IL15RA: variants seen among roughly 807,000 people sequenced by gnomAD.
IL15RA encodes the protein interleukin-15 receptor subunit alpha.
IL15RA carries 26 observed loss-of-function variants against 24.2 expected under a neutral mutation model. The ratio of observed to expected loss-of-function variants is 1.07; its 90% CI spans 0.79 to 1.49. The LOEUF is 1.49. IL15RA is among the 40% of genes most tolerant of loss of function. The pLI is 0.00. For synonymous variants in IL15RA, 166 were observed against 157.6 expected, an observed-to-expected ratio of 1.05 and a Z score of -0.40; for missense variants, 354 against 356.4, an observed-to-expected ratio of 0.99 and a Z score of 0.05.
chr10:5,957,537 G>A (rs1834727944), intron 5 of IL15RA, among the ~76,000 whole-genome samples: 1 of 150,320 alleles, frequency 6.7e-6, no homozygotes, highest in Admixed American at 6.6e-5. Flanking sequence ...GCCTCCCGAA[G>A]TGCTGGGATT....
chr10:5,968,946 C>T lies in IL15RA; in HGVS notation c.89-2607G>A, dbSNP rs1290147777. The T allele has an allele frequency of 2.6e-6, 4 of 1,534,652 alleles. No individual in the cohort carries two copies. Among genetic ancestry groups the T allele is most frequent in the Middle Eastern group, 1.7e-4 (1 of 5,982 alleles). ...TCTTGCATCTGTAACAGGTTTTGTA[C>T]AGGAAGTGTTCCCTGCCCATTTCCA... On this transcript the variant is annotated intron_variant, in intron 1 of 6. Coordinates refer to ENST00000379977, the MANE Select transcript of IL15RA (RefSeq NM_002189.4). The surrounding 1 kb of genome is among the most constrained non-coding windows in gnomAD (Gnocchi z 5.4).
chr10:5,957,590 C>CT (rs1430093456), intron 5 of IL15RA, among the ~76,000 whole-genome samples: 296 of 117,764 alleles, frequency 2.5e-3, no homozygotes, highest in African/African-American at 0.01. Flanking sequence ...TTCTTTTCTT[C>CT]TTCTTTTTTT....
At chr10:5,950,094 T>TAAAA, downstream of IL15RA, among the ~76,000 whole-genome samples, 1 of 80,738 alleles carries the variant, frequency 1.2e-5, no homozygotes. The surrounding 1 kb of genome is among the most constrained non-coding windows in gnomAD (Gnocchi z 5.6). Context: ...AGACTCTGTC[T>TAAAA]CAAAAAAAAA....
chr10:5,978,261 T>C (rs1838758378), upstream of IL15RA: 1 of 152,750 alleles, frequency 6.5e-6, no homozygotes, highest in Admixed American at 6.5e-5. The surrounding 1 kb of genome is among the most constrained non-coding windows in gnomAD (Gnocchi z 5.2). Context: ...GGAGCCACAG[T>C]GCTTCACCTC....
intron 5 of IL15RA, among the ~76,000 whole-genome samples, chr10:5,957,035 T>C (rs1834634502): frequency 6.7e-6 from 1 of 150,346 alleles, no homozygotes; most frequent in Non-Finnish European, 1.5e-5. Flanking sequence ...TCTCGGCTCA[T>C]TGCAACCTCT....
intron 1 of IL15RA, among the ~76,000 whole-genome samples, chr10:5,976,751 C>G (rs1237035757): frequency 6.6e-6 from 1 of 152,098 alleles, no homozygotes; most frequent in Non-Finnish European, 1.5e-5. Flanking sequence ...AGATCTCTTC[C>G]CCCTTTTTCT....
Position 5,959,850 on chromosome 10 carries a change from G to A in IL15RA, c.584-64C>T, listed in dbSNP as rs1401289137. The A allele has an allele frequency of 3.3e-6, 5 of 1,525,240 alleles. No individual in the cohort carries two copies. The African/African-American group carries it at 6.8e-5, about 21-fold the overall frequency. 94.5% of individuals were successfully genotyped at this position (1,525,240 alleles called of 1,614,324 possible). Reference sequence around the variant, plus strand: ...AGAGGTCCTAGTTCCTCATGAAGCAGGAGAAAATCTGCATGGCTTGGCTCC... The same window carrying A: ...AGAGGTCCTAGTTCCTCATGAAGCAAGAGAAAATCTGCATGGCTTGGCTCC... On this transcript the variant is annotated intron_variant, in intron 4 of 6. Transcript: ENST00000379977. This position sits in a 1 kb window ranked among gnomAD's most constrained non-coding sequence, Gnocchi z 4.1.
rs371435182 is a variant in IL15RA, at chr10:5,966,344, G to A, written c.89-5C>T. The A allele has an allele frequency of 5.5e-5, 89 of 1,603,682 alleles. No homozygotes were observed. In the South Asian group the frequency reaches 5.9e-4, roughly 11 times the overall value. On this transcript the variant is annotated splice_region_variant and splice_polypyrimidine_tract_variant and intron_variant, in intron 1 of 6. Transcript: ENST00000379977. The surrounding 1 kb of genome is among the most constrained non-coding windows in gnomAD (Gnocchi z 6.4). ...TGGGGGGAGGGCACGTGATGCCTGCGAAAGTGCAGAGGACAGGGGACGGTG... is the reference window on the plus strand; with the variant it reads ...TGGGGGGAGGGCACGTGATGCCTGCAAAAGTGCAGAGGACAGGGGACGGTG...
rs191111497 is a variant in IL15RA at position 5,955,035 on chromosome 10, T to C, written c.692+1344A>G. On this transcript the variant is annotated intron_variant, in intron 6 of 6. Coordinates refer to ENST00000379977, the MANE Select transcript of IL15RA (RefSeq NM_002189.4). This position sits in a 1 kb window ranked among gnomAD's most constrained non-coding sequence, Gnocchi z 5.3. ...TGAAGTTTTAGATACTGGTTTTCAT[T>C]TTGACTTTATAGTAGCATTTCATGG... is the stretch of plus-strand genomic sequence containing the variant. Among the ~76,000 whole-genome samples the C allele has an allele frequency of 2.6e-5, 4 of 152,310 alleles. No homozygotes were observed. The highest frequency in any genetic ancestry group is 9.6e-5 in the African/African-American group (4 of 41,564).
rs1425518428 is a variant in IL15RA, at chr10:5,966,154, T to C, written c.274A>G (p.Lys92Glu). The change falls in exon 2 of 7, where the codon AAA becomes GAA. Residue 92 changes from lysine to glutamate, a missense_variant. By Grantham distance (56) the Lys-to-Glu change is moderately conservative (BLOSUM62 1). Coordinates refer to ENST00000379977, the MANE Select transcript of IL15RA (RefSeq NM_002189.4). This position sits in a 1 kb window ranked among gnomAD's most constrained non-coding sequence, Gnocchi z 6.4. Reference sequence around the variant, plus strand: ...GGCAAGGGCTACTCACTAATGCATTTGAGACTGGGGGTTGTCCAGTGGGCG... The same window carrying C: ...GGCAAGGGCTACTCACTAATGCATTCGAGACTGGGGGTTGTCCAGTGGGCG... ...NVAHWTTPSLKCIRDPALVHQ... is the reference protein window; with the variant it reads ...NVAHWTTPSLECIRDPALVHQ... 1 of 1,606,394 alleles carries C rather than the reference T, an allele frequency of 6.2e-7. No homozygotes were observed. Among genetic ancestry groups the C allele is most frequent in the African/African-American group, 1.3e-5 (1 of 74,900 alleles).
rs752103406 is a variant in IL15RA, at chr10:5,966,222, G to A, written c.206C>T (p.Thr69Met). The A allele has an allele frequency of 6.2e-7, 1 of 1,614,040 alleles. No homozygotes were observed. The highest frequency in any genetic ancestry group is 1.7e-5 in the Admixed American group (1 of 59,994). The change falls in exon 2 of 7, where the codon ACG (threonine) becomes ATG (methionine). Residue 69 changes from threonine (T) to methionine (M), a missense_variant. Thr to Met is a moderately conservative substitution (Grantham distance 81). Transcript: ENST00000379977. This position sits in a 1 kb window ranked among gnomAD's most constrained non-coding sequence, Gnocchi z 6.4. Reference protein sequence around the residue: ...CNSGFKRKAGTSSLTECVLNK... With the variant: ...CNSGFKRKAGMSSLTECVLNK... ...CAACACGCACTCCGTCAGGCTGGAC[G>A]TGCCGGCTTTACGCTTGAAACCAGA...
chr10:5,958,903 G>A lies in IL15RA; in HGVS notation c.616+851C>T, dbSNP rs1034166421. Reference sequence around the variant, plus strand: ...TACTTTGGAAGCTTGTCAGCCTGGAGCATGACTTGCATTCTTCTCATTACC... The same window carrying A: ...TACTTTGGAAGCTTGTCAGCCTGGAACATGACTTGCATTCTTCTCATTACC... On this transcript the variant is annotated intron_variant, in intron 5 of 6. Transcript: ENST00000379977. The surrounding 1 kb of genome is among the most constrained non-coding windows in gnomAD (Gnocchi z 4.3). Among the ~76,000 whole-genome samples the A allele has an allele frequency of 6.6e-5, 10 of 152,120 alleles. No individual in the cohort carries two copies. The highest frequency in any genetic ancestry group is 6.6e-4 in the Admixed American group (10 of 15,264).
chr10:5,977,442 C>T lies in IL15RA; in HGVS notation c.51G>A (p.Leu17=). Reference sequence around the variant, plus strand: ...GCGGCCGGAGCAGCAGCAGCAGTAGCAGCGCCGGGAGACCGAGGGTCCGGC... The same window carrying T: ...GCGGCCGGAGCAGCAGCAGCAGTAGTAGCGCCGGGAGACCGAGGGTCCGGC... ...RGCRTLGLPA[L]LLLLLLRPPA... is the part of the protein sequence containing the mutation. Residue 17 remains leucine (L), a synonymous_variant, in exon 1 of 7, where the codon CTG becomes CTA. Transcript: ENST00000379977. The T allele has an allele frequency of 7.3e-7, 1 of 1,366,784 alleles. No homozygotes were observed. Among genetic ancestry groups the T allele is most frequent in the Non-Finnish European group, 9.4e-7 (1 of 1,062,694 alleles). The allele number at this position is 1,366,784 out of a possible 1,614,324, so 84.7% of individuals were successfully genotyped here. A position where few individuals can be genotyped will look rare whatever the true frequency, so the allele number is the denominator to read the frequency against.
At chr10:5,978,539 C>T (rs1301166217), upstream of IL15RA, among the ~76,000 whole-genome samples, 1 of 152,146 alleles carries the variant, frequency 6.6e-6, no homozygotes, top group Non-Finnish European at 1.5e-5. The surrounding 1 kb of genome is among the most constrained non-coding windows in gnomAD (Gnocchi z 5.2). Flanking sequence ...ACAATAATCC[C>T]CCAAGACACA....
upstream of IL15RA, chr10:5,977,547 G>T (rs952986669): frequency 7.8e-7 from 1 of 1,275,594 alleles, no homozygotes. Flanking sequence ...TGCCCAGGCC[G>T]GGGGGAGGTG....
rs1589158754 is a variant in IL15RA, at chr10:5,955,776, C to A, written c.692+603G>T. Among the ~76,000 whole-genome samples, 1 of 152,204 alleles carries A rather than the reference C, an allele frequency of 6.6e-6. No individual in the cohort carries two copies. Among genetic ancestry groups the A allele is most frequent in the East Asian group, 1.9e-4 (1 of 5,176 alleles). The stretch of plus-strand genomic sequence containing the variant: ...CAATGAGGACTTTCAAGAATATATT[C>A]ATGAGGGTATCACAAGAAGAATGGG... On this transcript the variant is annotated intron_variant, in intron 6 of 6. Transcript: ENST00000379977. This position sits in a 1 kb window ranked among gnomAD's most constrained non-coding sequence, Gnocchi z 5.3.
intron 6 of IL15RA, among the ~76,000 whole-genome samples, chr10:5,954,803 T>C (rs1834303212): frequency 6.6e-6 from 1 of 152,214 alleles, no homozygotes; most frequent in Non-Finnish European, 1.5e-5. Context: ...TTCAGCATTT[T>C]ATATTGGAAA....
At position 5,970,727 on chromosome 10, in the gene IL15RA, T is replaced by C. The variant is rs1837437109; in HGVS notation, c.89-4388A>G. Among the ~76,000 whole-genome samples the C allele has an allele frequency of 6.8e-6, 1 of 147,326 alleles. No homozygotes were observed. ...TTTTATTTTTAAAATGATTTTATTT[T>C]ATTTCATTATTATTTTATTTTATTT... is the stretch of plus-strand genomic sequence containing the variant. On this transcript the variant is annotated intron_variant, in intron 1 of 6. Transcript: ENST00000379977. This position sits in a 1 kb window ranked among gnomAD's most constrained non-coding sequence, Gnocchi z 4.1.
Position 5,952,928 on chromosome 10 carries a change from G to A in IL15RA, c.*167C>T, listed in dbSNP as rs1043904378. 2.1e-5 allele frequency: 13 copies of A among 627,048 alleles called. No homozygotes were observed. The highest frequency in any genetic ancestry group is 1.1e-4 in the African/African-American group (6 of 54,248). 38.8% of individuals were successfully genotyped at this position (627,048 alleles called of 1,614,324 possible). A position where few individuals can be genotyped will look rare whatever the true frequency, so the allele number is the denominator to read the frequency against. ...GGGAATGCGGAGAACCTGCTCCCTC[G>A]CGCAGGAGGCGCCGACCCGGCAGTC... On this transcript the variant is annotated 3_prime_UTR_variant, in exon 7 of 7. Coordinates refer to ENST00000379977, the MANE Select transcript of IL15RA (RefSeq NM_002189.4).
Sources: allele counts gnomAD v4.1 joint callset (sites outside exome capture counted in the v4.1 genomes callset), GRCh38; gene constraint gnomAD v4.1.1; non-coding constraint Gnocchi (gnomAD v3.1); transcripts MANE v1.5; gene names NCBI Gene and HGNC (gene_info 2026-07-23, HGNC 2026-07-21).